The following ESRRG variants were observed in gnomAD, a reference collection of about 807,000 sequenced individuals.
ESRRG encodes the protein estrogen related receptor gamma, also known as estrogen-related receptor gamma.
In ESRRG, 13 loss-of-function variants were observed where a neutral mutation model predicts 44.0. The observed-to-expected ratio is 0.30, with a 90% confidence interval of 0.19 to 0.47. The LOEUF (loss-of-function observed/expected upper bound fraction) is 0.47, where lower values mean the gene tolerates loss of function less well. Among genes scored for constraint, ESRRG ranks in the 20% least tolerant of loss-of-function variants. The probability of loss-of-function intolerance (pLI) is 1.00; values close to 1 mark genes in which losing one functional copy is unlikely to be tolerated. For synonymous variants in ESRRG, 215 were observed against 214.6 expected (o/e 1.00, Z -0.02); for missense variants, 395 against 580.6 (o/e 0.68, Z 3.29).
Position 216,679,832 on chromosome 1 carries a change from G to A in ESRRG, c.57-2341C>T, listed in dbSNP as rs1032202397. On this transcript the variant is annotated intron_variant, in intron 1 of 6. Transcript: ENST00000408911. ...GATTTAAAGAACAAGGCCAGAAATT[G>A]CCCTCCCATTTATGGATCAGTTATT... Among the ~76,000 whole-genome samples, 11 of 151,658 alleles carry A rather than the reference G, an allele frequency of 7.3e-5. No individual in the cohort carries two copies. The South Asian group carries it at 1.0e-3, about 14-fold the overall frequency.
chr1:216,965,735 C>T (rs181282492), intron 1 of ESRRG, among the ~76,000 whole-genome samples: 32 of 152,258 alleles, frequency 2.1e-4, no homozygotes, highest in Non-Finnish European at 4.3e-4. Flanking sequence ...CAGGTGTGCA[C>T]AAGGCACTCA....
chr1:216,581,107 A>G (rs533242116), intron 3 of ESRRG, among the ~76,000 whole-genome samples: 1 of 152,324 alleles, frequency 6.6e-6, no homozygotes, highest in African/African-American at 2.4e-5. Flanking sequence ...GGAGGATATG[A>G]CTAAATAACA....
chr1:217,111,489 G>T (rs1386274190), intron 1 of ESRRG, among the ~76,000 whole-genome samples: 3 of 152,180 alleles, frequency 2.0e-5, no homozygotes, highest in African/African-American at 7.2e-5. Context: ...TTTATTTACA[G>T]ATTAGTCCAT....
chr1:216,704,168 T>C (rs1359573820), intron 1 of ESRRG, among the ~76,000 whole-genome samples: 1 of 152,172 alleles, frequency 6.6e-6, no homozygotes, highest in East Asian at 1.9e-4. Context: ...CTTTTAAATT[T>C]ACTTTGGAAC....
At chr1:216,532,811 T>C (rs1346331122) in intron 5 of ESRRG, among the ~76,000 whole-genome samples, 2 of 152,198 alleles carry the variant, frequency 1.3e-5, no homozygotes, top group Non-Finnish European at 2.9e-5. Flanking sequence ...TAAAACATTA[T>C]ATGATGATTG....
At chr1:216,644,427 C>CTTTTT (rs71161439) in intron 3 of ESRRG, among the ~76,000 whole-genome samples, 193 of 128,252 alleles carry the variant, frequency 1.5e-3, no homozygotes, top group African/African-American at 1.7e-3. Context: ...TTCTTTCTTT[C>CTTTTT]TTTTTTTTTT....
At chr1:217,042,473 AACACACACACACACACAC>A (rs140559927) in intron 1 of ESRRG, among the ~76,000 whole-genome samples, 123 of 139,062 alleles carry the variant, frequency 8.8e-4, no homozygotes, top group Middle Eastern at 7.1e-3. Context: ...TACACACACA[AACACACACACACACACAC>A]ACACACACAC....
intron 2 of ESRRG, chr1:216,863,168 G>C (rs1468447301): frequency 6.6e-6 from 1 of 152,098 alleles, no homozygotes; most frequent in Admixed American, 6.5e-5. Context: ...AGTAGGCCTG[G>C]GATGGAGCTT....
intron 2 of ESRRG, among the ~76,000 whole-genome samples, chr1:216,842,303 A>G (rs985006363): frequency 1.3e-5 from 2 of 152,142 alleles, no homozygotes; most frequent in African/African-American, 4.8e-5. Context: ...TTCGTAGTTC[A>G]GAAAGACATT....
intron 1 of ESRRG, among the ~76,000 whole-genome samples, chr1:216,700,819 T>C (rs183699224): frequency 6.6e-6 from 1 of 152,334 alleles, no homozygotes; most frequent in East Asian, 1.9e-4. Context: ...GTCGTATTCT[T>C]ACCCTAACAC....
chr1:216,682,352 T>A (rs1342066337), intron 1 of ESRRG, among the ~76,000 whole-genome samples: 1 of 152,244 alleles, frequency 6.6e-6, no homozygotes, highest in African/African-American at 2.4e-5. Flanking sequence ...GTTAACACAA[T>A]TTCTATTCTT....
chr1:216,666,986 A>G (rs2074071948), intron 2 of ESRRG, among the ~76,000 whole-genome samples: 1 of 152,164 alleles, frequency 6.6e-6, no homozygotes. Context: ...CTTCTTTTCC[A>G]TAAGAGAATG....
At chr1:216,606,183 C>G (rs1027382113) in intron 3 of ESRRG, among the ~76,000 whole-genome samples, 2 of 152,182 alleles carry the variant, frequency 1.3e-5, no homozygotes, top group Non-Finnish European at 2.9e-5. Flanking sequence ...TAGCTGTTAT[C>G]TTGGTGCCTG....
chr1:216,691,442 C>T (rs1281486055), intron 1 of ESRRG, among the ~76,000 whole-genome samples: 1 of 152,054 alleles, frequency 6.6e-6, no homozygotes, highest in Non-Finnish European at 1.5e-5. Flanking sequence ...ATTTTATCAC[C>T]AATTTGCCAA....
At chr1:216,627,863 G>A (rs10779269) in intron 3 of ESRRG, among the ~76,000 whole-genome samples, 121,577 of 152,096 alleles carry the variant, frequency 0.8, 48,744 homozygotes, top group Middle Eastern at 0.83. Flanking sequence ...ACTATTAGGA[G>A]AATGAAAGTA....
intron 1 of ESRRG, among the ~76,000 whole-genome samples, chr1:217,064,827 C>A (rs2089340518): frequency 6.6e-6 from 1 of 152,136 alleles, no homozygotes; most frequent in African/African-American, 2.4e-5. Context: ...GGGTCTCTTT[C>A]TATTCCACTC....
At chr1:216,838,568 G>A (rs898772677) in intron 2 of ESRRG, among the ~76,000 whole-genome samples, 4 of 152,012 alleles carry the variant, frequency 2.6e-5, no homozygotes, top group African/African-American at 9.7e-5. Context: ...CCTGACTTTA[G>A]CCTCAACTCA....
intron 2 of ESRRG, among the ~76,000 whole-genome samples, chr1:216,858,416 G>A (rs2095991473): frequency 6.6e-6 from 1 of 151,992 alleles, no homozygotes; most frequent in South Asian, 2.1e-4. Context: ...CAGCCTGGGC[G>A]ACAGAGTGAG....
intron 2 of ESRRG, among the ~76,000 whole-genome samples, chr1:216,929,824 G>A (rs947041610): frequency 6.6e-5 from 10 of 152,064 alleles, no homozygotes; most frequent in Non-Finnish European, 1.3e-4. Flanking sequence ...CCTTTATGAT[G>A]CTATTCAACT....
Sources: allele counts gnomAD v4.1 joint callset (sites outside exome capture counted in the v4.1 genomes callset), GRCh38; gene constraint gnomAD v4.1.1; transcripts MANE v1.5; gene names NCBI Gene and HGNC (gene_info 2026-07-23, HGNC 2026-07-21).